Variants in CCDC30 observed in about 807,000 individuals in gnomAD.
CCDC30 encodes the protein coiled-coil domain containing 30.
CCDC30 carries 70 observed loss-of-function variants against 100.2 expected under a neutral mutation model. The observed-to-expected ratio is 0.70, with a 90% CI of 0.58 to 0.85. The LOEUF is 0.85. Ranked by LOEUF, CCDC30 falls within the 40% of genes least tolerant of loss-of-function variation. The probability of loss-of-function intolerance (pLI) is 0.00; values close to 1 mark genes in which losing one functional copy is unlikely to be tolerated. For missense variants in CCDC30, 652 were observed against 771.2 expected, an observed-to-expected ratio of 0.85 and a Z score of 1.83; for synonymous variants, 233 against 269.5, an observed-to-expected ratio of 0.86 and a Z score of 1.33.
intron 3 of CCDC30, among the ~76,000 whole-genome samples, chr1:42,487,201 T>C (rs951244586): frequency 1.3e-5 from 2 of 152,078 alleles, no homozygotes; most frequent in African/African-American, 4.8e-5. Context: ...CATATGATTT[T>C]CTTAATAGGG....
At chr1:42,629,269 CA>C (rs1303044567) in intron 11 of CCDC30, among the ~76,000 whole-genome samples, 1 of 152,190 alleles carries the variant, frequency 6.6e-6, no homozygotes, top group Non-Finnish European at 1.5e-5. Context: ...ATTTCCCCTT[CA>C]TGCTTGAAGG....
intron 8 of CCDC30, among the ~76,000 whole-genome samples, chr1:42,580,509 A>G (rs1408473566): frequency 6.6e-6 from 1 of 152,120 alleles, no homozygotes; most frequent in African/African-American, 2.4e-5. Flanking sequence ...TATTCATTCA[A>G]TAAATATTTA....
At position 42,528,668 on chromosome 1, in the gene CCDC30, C is replaced by T. The variant is rs190550409; in HGVS notation, c.456+29752C>T. ...TACACATTGGGCAGAATTGGGTGGG[C>T]CTTAATATTCCCACCATGCTCAGTC... On this transcript the variant is annotated intron_variant, in intron 6 of 16. Coordinates refer to ENST00000668663, the Ensembl canonical transcript of CCDC30. 5.1e-4 allele frequency among the ~76,000 whole-genome samples: 78 copies of T among 152,232 alleles called. 1 individual carries two copies. In the East Asian group the frequency reaches 0.014, roughly 27 times the overall value.
At chr1:42,475,582 C>A (rs370252745) in intron 1 of CCDC30, among the ~76,000 whole-genome samples, 124 of 152,030 alleles carry the variant, frequency 8.2e-4, no homozygotes, top group African/African-American at 2.9e-3. Context: ...AATGTATGCT[C>A]TTATAAAGAA....
At position 42,539,133 on chromosome 1, in the gene CCDC30, T is replaced by C. The variant is rs762556361; in HGVS notation, c.457-27163T>C. 15 of 1,422,576 alleles carry C rather than the reference T, an allele frequency of 1.1e-5. No homozygotes were observed. In the East Asian group the frequency reaches 3.4e-4, roughly 32 times the overall value. 88.1% of individuals were successfully genotyped at this position (1,422,576 alleles called of 1,614,324 possible). ...TTATATCTTTTATGGGGGAAAATAG[T>C]CTTATTTTATTCTACTAAATGTCTT... On this transcript the variant is annotated intron_variant, in intron 6 of 16. Coordinates refer to ENST00000668663, the Ensembl canonical transcript of CCDC30.
chr1:42,623,400 T>G (rs1284420735), intron 11 of CCDC30, among the ~76,000 whole-genome samples: 1 of 152,218 alleles, frequency 6.6e-6, no homozygotes, highest in Non-Finnish European at 1.5e-5. Context: ...CAATTTTGAT[T>G]TGATTTTTGT....
chr1:42,645,993 A>G, intron 14 of CCDC30, 142 bp from the exon 19 acceptor site: 1 of 1,149,672 alleles, frequency 8.7e-7, no homozygotes, highest in African/African-American at 1.6e-5. Context: ...CATATTGTTA[A>G]CCTTGAATGA....
intron 6 of CCDC30, 90 bp downstream of exon 7, chr1:42,536,691 G>GT: frequency 1.1e-6 from 1 of 933,896 alleles, no homozygotes; most frequent in South Asian, 1.7e-5. Flanking sequence ...ATAACTATGT[G>GT]TCTCAGCTTG....
intron 6 of CCDC30, among the ~76,000 whole-genome samples, chr1:42,532,984 C>T (rs748366045): frequency 1.3e-5 from 2 of 152,134 alleles, no homozygotes; most frequent in Non-Finnish European, 2.9e-5. Context: ...GTATCGATCT[C>T]CTGACCTCGT....
chr1:42,621,734 A>G (rs1190053184), intron 11 of CCDC30, among the ~76,000 whole-genome samples: 2 of 151,904 alleles, frequency 1.3e-5, no homozygotes, highest in Admixed American at 1.3e-4. Flanking sequence ...GATGGTCGCG[A>G]TCTCCTGACC....
intron 6 of CCDC30, among the ~76,000 whole-genome samples, chr1:42,553,675 A>ACACGCACG (rs1553194035): frequency 9.2e-5 from 14 of 151,432 alleles, no homozygotes; most frequent in African/African-American, 3.2e-4. Flanking sequence ...ACACACACAC[A>ACACGCACG]CACACACACA....
At position 42,498,817 on chromosome 1, in the gene CCDC30, G is replaced by T. The variant is rs969422801; in HGVS notation, c.358-1G>T. The T allele has an allele frequency of 2.0e-5, 25 of 1,230,122 alleles. No homozygotes were observed. Among genetic ancestry groups the T allele is most frequent in the Middle Eastern group, 4.1e-4 (2 of 4,856 alleles). The allele number at this position is 1,230,122 out of a possible 1,614,324, so 76.2% of individuals were successfully genotyped here. A position where few individuals can be genotyped will look rare whatever the true frequency, so the allele number is the denominator to read the frequency against. The stretch of plus-strand genomic sequence containing the variant: ...ACAAGGTGTTTACTTTTGTATTTAA[G>T]GTTGAAAGACTTAAAGGAGAGGTGT... On this transcript the variant is annotated splice_acceptor_variant, in intron 5 of 16. Coordinates refer to ENST00000668663, the Ensembl canonical transcript of CCDC30. LOFTEE classifies it high-confidence loss of function.
intron 6 of CCDC30, among the ~76,000 whole-genome samples, chr1:42,564,374 A>G (rs6690354): frequency 0.74 from 111,864 of 151,950 alleles, 41,931 homozygotes; most frequent in Admixed American, 0.81. Flanking sequence ...GTGCAATGGC[A>G]TGATCTTGGC....
intron 11 of CCDC30, among the ~76,000 whole-genome samples, chr1:42,613,286 G>C (rs964940150): frequency 6.6e-6 from 1 of 152,098 alleles, no homozygotes; most frequent in African/African-American, 2.4e-5. Context: ...GCGGAAACTC[G>C]CTCTGTCGCC....
At chr1:42,507,174 G>A (rs1210625892) in intron 6 of CCDC30, among the ~76,000 whole-genome samples, 4 of 152,244 alleles carry the variant, frequency 2.6e-5, no homozygotes, top group East Asian at 1.9e-4. Flanking sequence ...TGATCCATCC[G>A]CCTTGGCCTC....
chr1:42,637,185 A>G (rs2148677917), intron 11 of CCDC30, 52 bp from the exon 16 acceptor site: 1 of 1,475,222 alleles, frequency 6.8e-7, no homozygotes, highest in Non-Finnish European at 9.2e-7. Flanking sequence ...GAGGATGCAA[A>G]ATAAATTTTA....
At chr1:42,525,610 T>G (rs1478170798) in intron 6 of CCDC30, among the ~76,000 whole-genome samples, 2 of 152,222 alleles carry the variant, frequency 1.3e-5, no homozygotes, top group Non-Finnish European at 2.9e-5. Context: ...TTTAATAATA[T>G]TTTACTGGAT....
chr1:42,457,828 G>C, the CCDC30 span, among the ~76,000 whole-genome samples: 2 of 151,916 alleles, frequency 1.3e-5, no homozygotes, highest in African/African-American at 4.8e-5. Context: ...GGTGGCAGGC[G>C]CCTGTAATCC....
intron 1 of CCDC30, chr1:42,468,714 G>GT (rs1220303483): frequency 1.3e-5 from 2 of 152,192 alleles, no homozygotes; most frequent in African/African-American, 4.8e-5. Flanking sequence ...AAACAACAGA[G>GT]TGAGGTAGGC....
Sources: gnomAD v4.1 joint callset for allele counts (sites outside exome capture counted in the v4.1 genomes callset) on GRCh38, gnomAD v4.1.1 for gene constraint, MANE v1.5 for transcripts, NCBI Gene and HGNC (gene_info 2026-07-23, HGNC 2026-07-21) for gene names.